The following GNAS variants were observed in gnomAD, a reference collection of about 807,000 sequenced individuals.
GNAS encodes GNAS complex locus, also known as protein ALEX.
Under a neutral mutation model 54.5 loss-of-function variants are expected in GNAS, and 8 were observed. The ratio of observed to expected loss-of-function variants is 0.15; its 90% confidence interval spans 0.09 to 0.26. The LOEUF (loss-of-function observed/expected upper bound fraction) is 0.26, where lower values mean the gene tolerates loss of function less well. Among genes scored for constraint, GNAS ranks in the 10% least tolerant of loss-of-function variants. GNAS has a pLI of 1.00. For missense variants in GNAS, 170 were observed against 529.8 expected (o/e 0.32, Z 6.67); for synonymous variants, 204 against 191.4 (o/e 1.07, Z -0.54).
chr20:58,840,936 G>A lies in GNAS; in HGVS notation c.43+50G>A. 1.3e-6 allele frequency: 2 copies of A among 1,597,090 alleles called. No homozygotes were observed. Among genetic ancestry groups the A allele is most frequent in the Non-Finnish European group, 1.7e-6 (2 of 1,169,520 alleles). On this transcript the variant is annotated intron_variant, in intron 1 of 12. Transcript: ENST00000306090. The surrounding 1 kb of genome is among the most constrained non-coding windows in gnomAD (Gnocchi z 6.0). Reference sequence around the variant, plus strand: ...GGAGCCTGAGGGCGGTGTGGGAGCAGCGCAGGTGGAAAGGAGGTGAGAAGG... The same window carrying A: ...GGAGCCTGAGGGCGGTGTGGGAGCAACGCAGGTGGAAAGGAGGTGAGAAGG...
At chr20:58,840,233 C>T (rs1273364707), upstream of GNAS, 2 of 1,611,036 alleles carry the variant, frequency 1.2e-6, no homozygotes, top group Admixed American at 3.3e-5. The surrounding 1 kb of genome is among the most constrained non-coding windows in gnomAD (Gnocchi z 6.0). Context: ...CGCGCTCCTC[C>T]GCGCCCTTGC....
At chr20:58,892,089 C>G in intron 1 of GNAS, 1 of 965,624 alleles carries the variant, frequency 1.0e-6, no homozygotes, top group South Asian at 4.8e-5. Flanking sequence ...GCGACGCGGG[C>G]GCGGGTCCCC....
rs1321085206 is a variant in GNAS, at chr20:58,909,853, T to G, written c.839+49T>G. 1 of 1,612,420 alleles carries G rather than the reference T, an allele frequency of 6.2e-7. No homozygotes were observed. The highest frequency in any genetic ancestry group is 8.5e-7 in the Non-Finnish European group (1 of 1,179,534). ...CCTGCGCTTGCCCAGGAGGCCCTGG[T>G]CTGCACTGTTTATAGAGAAGAACCC... On this transcript the variant is annotated intron_variant, in intron 10 of 12. Coordinates refer to ENST00000371085, the MANE Select transcript of GNAS (RefSeq NM_000516.7). This position sits in a 1 kb window ranked among gnomAD's most constrained non-coding sequence, Gnocchi z 7.3.
chr20:58,872,867 C>T (rs2087559614), intron 1 of GNAS, among the ~76,000 whole-genome samples: 1 of 152,174 alleles, frequency 6.6e-6, no homozygotes, highest in South Asian at 2.1e-4. Flanking sequence ...GGGCTTCATT[C>T]ATCAGCTCAA....
rs1224657149 is a variant in GNAS at position 58,840,952 on chromosome 20, G to A, written c.43+66G>A. On this transcript the variant is annotated intron_variant, in intron 1 of 12. Coordinates refer to the GNAS transcript ENST00000306090. This position sits in a 1 kb window ranked among gnomAD's most constrained non-coding sequence, Gnocchi z 6.0. ...GTGGGAGCAGCGCAGGTGGAAAGGA[G>A]GTGAGAAGGAAAGGCAGGTCAGGGG... The A allele has an allele frequency of 1.5e-5, 24 of 1,550,458 alleles. No individual in the cohort carries two copies. The highest frequency in any genetic ancestry group is 2.1e-5 in the Non-Finnish European group (24 of 1,134,182).
At chr20:58,900,343 T>A (rs2090493202) in intron 3 of GNAS, 1 of 259,862 alleles carries the variant, frequency 3.8e-6, no homozygotes, top group Non-Finnish European at 7.4e-6. Context: ...TCTCTCTCAC[T>A]CTGTTCTGCA....
upstream of GNAS, chr20:58,840,353 G>A: frequency 6.2e-7 from 1 of 1,613,228 alleles, no homozygotes; most frequent in Non-Finnish European, 8.5e-7. The surrounding 1 kb of genome is among the most constrained non-coding windows in gnomAD (Gnocchi z 6.0). Context: ...CCCCGAATCG[G>A]AATCTGACCA....
intron 1 of GNAS, chr20:58,852,574 G>GT (rs1311295539): frequency 5.7e-6 from 1 of 176,620 alleles, no homozygotes. Context: ...TCCTTCTTCA[G>GT]TCCCCCCTCC....
upstream of GNAS, chr20:58,888,264 C>T (rs1336990303): frequency 1.3e-5 from 2 of 152,128 alleles, no homozygotes; most frequent in Admixed American, 1.3e-4. Flanking sequence ...AGCCTGATTA[C>T]CTGGCCGCCT....
Position 58,841,266 on chromosome 20 carries a change from A to C in GNAS, c.43+380A>C. 1 of 993,016 alleles carries C rather than the reference A, an allele frequency of 1.0e-6. No individual in the cohort carries two copies. Among genetic ancestry groups the C allele is most frequent in the Non-Finnish European group, 1.2e-6 (1 of 802,388 alleles). The allele number at this position is 993,016 out of a possible 1,614,324, so 61.5% of individuals were successfully genotyped here. The stretch of plus-strand genomic sequence containing the variant: ...CGCTTTTCTTCCTCCTAGAAAGACT[A>C]GTCTCAAATAAGTTGGCCTTCTCAG... On this transcript the variant is annotated intron_variant, in intron 1 of 12. Transcript: ENST00000306090. This position sits in a 1 kb window ranked among gnomAD's most constrained non-coding sequence, Gnocchi z 5.0.
At position 58,873,056 on chromosome 20, in the gene GNAS, T is replaced by C. The variant is rs2087573080; in HGVS notation, c.44-22556T>C. Among the ~76,000 whole-genome samples, 1 of 152,312 alleles carries C rather than the reference T, an allele frequency of 6.6e-6. No individual in the cohort carries two copies. The highest frequency in any genetic ancestry group is 2.4e-5 in the African/African-American group (1 of 41,572). ...ATCCCATCAGGAGGAGTTCAGACTC[T>C]CCCCAAGCACCAAGAGTTAGAAATG... is the stretch of plus-strand genomic sequence containing the variant. On this transcript the variant is annotated intron_variant, in intron 1 of 12. Coordinates refer to the GNAS transcript ENST00000306090. The surrounding 1 kb of genome is among the most constrained non-coding windows in gnomAD (Gnocchi z 4.3).
At chr20:58,850,879 G>T (rs1172460585) in intron 1 of GNAS, 1 of 398,710 alleles carries the variant, frequency 2.5e-6, no homozygotes, top group Non-Finnish European at 4.4e-6. Flanking sequence ...GCACCTCTTC[G>T]GGCGTTCCAA....
At chr20:58,884,873 C>G (rs957651209) in intron 1 of GNAS, 11 of 152,108 alleles carry the variant, frequency 7.2e-5, no homozygotes, top group Non-Finnish European at 1.6e-4. Context: ...CTTCCTCAGT[C>G]TTCTCCTGGA....
chr20:58,901,476 T>TTTTTGTTTTAAA (rs1266871813), intron 3 of GNAS, among the ~76,000 whole-genome samples: 2 of 152,154 alleles, frequency 1.3e-5, no homozygotes, highest in African/African-American at 4.8e-5. Context: ...CACCTCCCTG[T>TTTTTGTTTTAAA]CATCTGTGTT....
chr20:58,910,913 C>A lies in GNAS; in HGVS notation c.*84C>A. ...AATTGTACAAGCAGTTAATCACCCA[C>A]CATAGGGCATGATTAACAAAGCAAC... On this transcript the variant is annotated 3_prime_UTR_variant, in exon 13 of 13. Coordinates refer to ENST00000371085, the MANE Select transcript of GNAS (RefSeq NM_000516.7). The surrounding 1 kb of genome is among the most constrained non-coding windows in gnomAD (Gnocchi z 5.8). The A allele has an allele frequency of 7.5e-7, 1 of 1,333,040 alleles. No homozygotes were observed. The highest frequency in any genetic ancestry group is 1.1e-6 in the Non-Finnish European group (1 of 932,854). 82.6% of individuals were successfully genotyped at this position (1,333,040 alleles called of 1,614,324 possible).
upstream of GNAS, among the ~76,000 whole-genome samples, chr20:58,887,247 C>T (rs1403016120): frequency 6.6e-6 from 1 of 152,216 alleles, no homozygotes; most frequent in African/African-American, 2.4e-5. Context: ...TGTATCTGTG[C>T]TTTGCCACAG....
chr20:58,880,097 T>C (rs2145783130), intron 1 of GNAS, among the ~76,000 whole-genome samples: 1 of 152,246 alleles, frequency 6.6e-6, no homozygotes, highest in East Asian at 1.9e-4. Context: ...TTGGCTGGAA[T>C]TTTTCCTGAT....
rs542412765 is a variant in GNAS, at chr20:58,877,142, A to C, written c.44-18470A>C. Among the ~76,000 whole-genome samples the C allele has an allele frequency of 4.5e-5, 6 of 132,482 alleles. No homozygotes were observed. In the East Asian group the frequency reaches 7.8e-4, roughly 17 times the overall value. 86.9% of individuals were successfully genotyped at this position (132,482 alleles called of 152,430 possible). Reference sequence around the variant, plus strand: ...GACAGCACTTTAATTATGATGAAAGAACAAGATTTTTTTTTTCCGGTTTTT... The same window carrying C: ...GACAGCACTTTAATTATGATGAAAGCACAAGATTTTTTTTTTCCGGTTTTT... On this transcript the variant is annotated intron_variant, in intron 1 of 12. Transcript: ENST00000306090.
rs530285077 is a variant in GNAS, at chr20:58,903,341, A to G, written c.258-190A>G. ...ATCTGCCCCGATTGGGCGTGTCCTC[A>G]GGGCACATTTGGGAGGTTATAATTT... On this transcript the variant is annotated intron_variant, in intron 3 of 12. Coordinates refer to ENST00000371085, the MANE Select transcript of GNAS (RefSeq NM_000516.7). The G allele has an allele frequency of 1.0e-5, 7 of 684,770 alleles. No homozygotes were observed. The African/African-American group carries it at 1.2e-4, about 12-fold the overall frequency. 42.4% of individuals were successfully genotyped at this position (684,770 alleles called of 1,614,324 possible). A position where few individuals can be genotyped will look rare whatever the true frequency, so the allele number is the denominator to read the frequency against.
Sources: allele counts gnomAD v4.1 joint callset (sites outside exome capture counted in the v4.1 genomes callset), GRCh38; gene constraint gnomAD v4.1.1; non-coding constraint Gnocchi (gnomAD v3.1); transcripts MANE v1.5; gene names NCBI Gene and HGNC (gene_info 2026-07-23, HGNC 2026-07-21).